Variants in PLXDC2 observed in about 807,000 individuals in gnomAD.
PLXDC2 encodes plexin domain-containing protein 2.
A neutral mutation model predicts 68.9 loss-of-function variants in PLXDC2; 40 were observed. The observed-to-expected ratio is 0.58, with a 90% CI of 0.45 to 0.76. The LOEUF (loss-of-function observed/expected upper bound fraction) is 0.76. PLXDC2 is among the 30% of genes least tolerant of loss of function. The pLI is 0.00. For missense variants in PLXDC2, 644 were observed against 661.9 expected (o/e 0.97, Z 0.30); for synonymous variants, 243 against 234.2 (o/e 1.04, Z -0.34).
At chr10:19,993,585 G>A (rs1026081324) in intron 1 of PLXDC2, among the ~76,000 whole-genome samples, 5 of 151,942 alleles carry the variant, frequency 3.3e-5, no homozygotes, top group Admixed American at 2.0e-4. Context: ...TCACCTGGCT[G>A]AGTTTTGTAT....
At chr10:20,177,881 T>G (rs1249884778) in intron 9 of PLXDC2, among the ~76,000 whole-genome samples, 1 of 141,886 alleles carries the variant, frequency 7.0e-6, no homozygotes, top group East Asian at 2.3e-4. Context: ...AAGTGGGTAT[T>G]TTACTATTTT....
chr10:20,024,942 G>A (rs560268354), intron 2 of PLXDC2, among the ~76,000 whole-genome samples: 179 of 152,090 alleles, frequency 1.2e-3, no homozygotes, highest in African/African-American at 4.1e-3. Flanking sequence ...TGTATATGTA[G>A]CACATTTTCT....
chr10:19,921,879 A>G (rs1343326318), intron 1 of PLXDC2, among the ~76,000 whole-genome samples: 1 of 151,302 alleles, frequency 6.6e-6, no homozygotes, highest in Non-Finnish European at 1.5e-5. Flanking sequence ...TATTTTTTTG[A>G]GACAGCGTCT....
At chr10:20,013,407 T>C (rs948026458) in intron 2 of PLXDC2, among the ~76,000 whole-genome samples, 2 of 152,170 alleles carry the variant, frequency 1.3e-5, no homozygotes, top group African/African-American at 4.8e-5. Context: ...CATGACAGGA[T>C]TTTTTACCTA....
rs185388807 is a variant in PLXDC2 at position 20,124,760 on chromosome 10, G to T, written c.542-18535G>T. On this transcript the variant is annotated intron_variant, in intron 4 of 13. Transcript: ENST00000377252. ...CTCAGTGGGGGAGCTTTTGAGCCAG[G>T]ATGAGCCAGGAGAAGGAATTTCACA... Among the ~76,000 whole-genome samples, 229 of 152,156 alleles carry T rather than the reference G, an allele frequency of 1.5e-3. 1 individual carries two copies. Among genetic ancestry groups the T allele is most frequent in the African/African-American group, 5.3e-3 (218 of 41,500 alleles).
At chr10:19,934,996 C>T (rs547791899) in intron 1 of PLXDC2, among the ~76,000 whole-genome samples, 1 of 152,158 alleles carries the variant, frequency 6.6e-6, no homozygotes, top group Non-Finnish European at 1.5e-5. Context: ...TTGATAATGC[C>T]CCAGGGCTGC....
intron 5 of PLXDC2, 29 bp downstream of exon 5, chr10:20,143,446 G>A: frequency 1.9e-6 from 3 of 1,608,738 alleles, no homozygotes; most frequent in Non-Finnish European, 2.5e-6. Flanking sequence ...ATTTTTTGCT[G>A]CATGTATATT....
chr10:20,252,795 G>T (rs1323206032), intron 13 of PLXDC2, among the ~76,000 whole-genome samples: 1 of 152,186 alleles, frequency 6.6e-6, no homozygotes, highest in African/African-American at 2.4e-5. Context: ...TAAGTTAGGT[G>T]TGGATTTCAC....
intron 1 of PLXDC2, among the ~76,000 whole-genome samples, chr10:19,890,099 G>T (rs1837924726): frequency 6.6e-6 from 1 of 152,066 alleles, no homozygotes; most frequent in South Asian, 2.1e-4. Context: ...AAATTTGATA[G>T]CCTGCTGTGA....
At chr10:20,219,183 C>A in intron 12 of PLXDC2, 81 bp downstream of exon 12, 5 of 1,398,168 alleles carry the variant, frequency 3.6e-6, no homozygotes, top group South Asian at 1.3e-5. Context: ...AAAGGCAATA[C>A]GGGCTTCTAG....
rs61268790 is a variant in PLXDC2 at position 19,876,601 on chromosome 10, C to CAAAAAAAA, written c.112+59427_112+59434dup. On this transcript the variant is annotated intron_variant, in intron 1 of 13. Transcript: ENST00000377252. ...TGGACAACAGAGTGAGATTCCATCT[C>CAAAAAAAA]AAAAAAAAAAAAAAAAAAAAAAAAG... is the stretch of plus-strand genomic sequence containing the variant. Among the ~76,000 whole-genome samples, 31 of 63,970 alleles carry CAAAAAAAA rather than the reference C, an allele frequency of 4.8e-4. 1 individual carries two copies. The highest frequency in any genetic ancestry group is 1.8e-3 in the African/African-American group (27 of 14,834). 42.0% of individuals were successfully genotyped at this position (63,970 alleles called of 152,430 possible).
At chr10:20,044,241 CTT>C (rs1312996979) in intron 2 of PLXDC2, among the ~76,000 whole-genome samples, 1 of 106,482 alleles carries the variant, frequency 9.4e-6, no homozygotes, top group Non-Finnish European at 1.8e-5. Context: ...TTCTTTCTTT[CTT>C]TCTTTCTTTC....
At chr10:20,217,605 T>TTA in intron 11 of PLXDC2, 29 bp downstream of exon 11, 1 of 1,475,260 alleles carries the variant, frequency 6.8e-7, no homozygotes, top group African/African-American at 1.5e-5. Flanking sequence ...GCTTTTTTTT[T>TTA]TTTTTTTTTT....
intron 9 of PLXDC2, among the ~76,000 whole-genome samples, chr10:20,205,715 A>G (rs1834981992): frequency 6.6e-6 from 1 of 152,156 alleles, no homozygotes; most frequent in African/African-American, 2.4e-5. Flanking sequence ...AGGTATAATT[A>G]GGTATTAAAC....
intron 1 of PLXDC2, among the ~76,000 whole-genome samples, chr10:19,924,554 A>G (rs1170584463): frequency 6.6e-6 from 1 of 152,214 alleles, no homozygotes; most frequent in Non-Finnish European, 1.5e-5. Context: ...AGATGAAAAC[A>G]TTGAAACCTA....
intron 3 of PLXDC2, among the ~76,000 whole-genome samples, chr10:20,051,009 A>G (rs1046804355): frequency 2.0e-5 from 3 of 152,136 alleles, no homozygotes; most frequent in Non-Finnish European, 4.4e-5. Context: ...GACAGATTGG[A>G]TAAAGAAAAT....
intron 4 of PLXDC2, among the ~76,000 whole-genome samples, chr10:20,134,259 G>C (rs1450157256): frequency 6.6e-6 from 1 of 152,110 alleles, no homozygotes; most frequent in African/African-American, 2.4e-5. Flanking sequence ...TTATCTTGAT[G>C]CTATCATGTT....
At chr10:20,075,820 AG>A (rs980367172) in intron 4 of PLXDC2, among the ~76,000 whole-genome samples, 1 of 152,174 alleles carries the variant, frequency 6.6e-6, no homozygotes, top group African/African-American at 2.4e-5. Context: ...AGCTGAGACA[AG>A]GGTGTGGGTG....
At chr10:19,927,928 GT>G (rs915104272) in intron 1 of PLXDC2, among the ~76,000 whole-genome samples, 4 of 151,986 alleles carry the variant, frequency 2.6e-5, no homozygotes, top group Non-Finnish European at 5.9e-5. Flanking sequence ...CCAATAGGTA[GT>G]TTTTCATCCC....
Sources: gnomAD v4.1 joint callset for allele counts (sites outside exome capture counted in the v4.1 genomes callset) on GRCh38, gnomAD v4.1.1 for gene constraint, MANE v1.5 for transcripts, NCBI Gene and HGNC (gene_info 2026-07-23, HGNC 2026-07-21) for gene names.